Variants in NAT10 observed in about 807,000 individuals in gnomAD.
The protein encoded by NAT10 is N-acetyltransferase 10.
A neutral mutation model predicts 132.2 loss-of-function variants in NAT10; 109 were observed. The ratio of observed to expected loss-of-function variants is 0.82; its 90% CI spans 0.71 to 0.97. The LOEUF (loss-of-function observed/expected upper bound fraction) is 0.97. Among genes scored for constraint, NAT10 ranks in the 50% least tolerant of loss-of-function variants. NAT10 has a pLI of 0.00. For synonymous variants in NAT10, 479 were observed against 478.0 expected, an observed-to-expected ratio of 1.00 and a Z score of -0.03; for missense variants, 1,184 against 1,263.4, an observed-to-expected ratio of 0.94 and a Z score of 0.95.
At chr11:34,119,339 G>A (rs992060242) in intron 8 of NAT10, among the ~76,000 whole-genome samples, 2 of 152,230 alleles carry the variant, frequency 1.3e-5, no homozygotes, top group East Asian at 1.9e-4. Context: ...CCCTTGAGAG[G>A]GAAGATAGCT....
At chr11:34,107,194 A>AT (rs1487669545) in intron 1 of NAT10, 1 of 151,966 alleles carries the variant, frequency 6.6e-6, no homozygotes, top group African/African-American at 2.4e-5. Flanking sequence ...TAAGTTTTGT[A>AT]TTTTTAGTAG....
intron 8 of NAT10, among the ~76,000 whole-genome samples, chr11:34,119,201 A>G (rs2132946102): frequency 6.6e-6 from 1 of 152,226 alleles, no homozygotes; most frequent in South Asian, 2.1e-4. Flanking sequence ...GCACTGGTAA[A>G]CTTGGCTTCT....
chr11:34,111,965 G>C, intron 3 of NAT10, 87 bp from the exon 4 acceptor site: 1 of 1,484,938 alleles, frequency 6.7e-7, no homozygotes, highest in African/African-American at 1.4e-5. Flanking sequence ...AGTCTAAGTG[G>C]GTGATCACTG....
chr11:34,143,929 TAAGTTCCC>T (rs971220787), intron 28 of NAT10, among the ~76,000 whole-genome samples: 1 of 152,196 alleles, frequency 6.6e-6, no homozygotes, highest in African/African-American at 2.4e-5. Flanking sequence ...TCTCAGGGGT[TAAGTTCCC>T]AAGAAGCACA....
intron 26 of NAT10, 44 bp from the exon 27 acceptor site, chr11:34,142,231 A>G (rs554015111): frequency 4.2e-5 from 66 of 1,588,218 alleles, no homozygotes; most frequent in African/African-American, 1.9e-4. Flanking sequence ...GTTTGGTTCA[A>G]TCCTTGACTC....
intron 15 of NAT10, among the ~76,000 whole-genome samples, 181 bp downstream of exon 15, chr11:34,132,402 G>A (rs1852122207): frequency 6.6e-6 from 1 of 152,160 alleles, no homozygotes; most frequent in Admixed American, 6.5e-5. Flanking sequence ...ATGCAGTAAC[G>A]GGACAGGGTG....
At chr11:34,127,362 G>T (rs1852014059) in intron 11 of NAT10, 101 bp from the exon 12 acceptor site, 1 of 1,268,780 alleles carries the variant, frequency 7.9e-7, no homozygotes, top group African/African-American at 1.5e-5. Flanking sequence ...AAGGAAACAG[G>T]GAGAGAGAGG....
At chr11:34,127,728 C>T (rs1355420421) in intron 12 of NAT10, 129 bp downstream of exon 12, 7 of 1,167,032 alleles carry the variant, frequency 6.0e-6, no homozygotes, top group African/African-American at 1.6e-5. Context: ...TTTGAGGCTG[C>T]TTCATTCTCT....
chr11:34,113,449 G>A (rs1437015340), intron 4 of NAT10, among the ~76,000 whole-genome samples: 2 of 151,944 alleles, frequency 1.3e-5, no homozygotes, highest in African/African-American at 4.8e-5. Context: ...AACAGGTATG[G>A]TCTTGGCTTT....
At chr11:34,134,681 A>G (rs1852176921) in intron 18 of NAT10, 95 bp downstream of exon 18, 2 of 1,059,478 alleles carry the variant, frequency 1.9e-6, no homozygotes. Flanking sequence ...GTCAAGCAGA[A>G]GCAAGTGAAG....
chr11:34,110,559 C>CTTTTTTTTTTTTTTTTT (rs948109196), intron 3 of NAT10, among the ~76,000 whole-genome samples: 4 of 101,742 alleles, frequency 3.9e-5, no homozygotes, highest in East Asian at 2.6e-4. Flanking sequence ...TTTTCTTTCC[C>CTTTTTTTTTTTTTTTTT]TTTTTTTTTT....
chr11:34,143,587 C>T (rs1046548220), intron 28 of NAT10, 59 bp downstream of exon 28: 1 of 1,486,470 alleles, frequency 6.7e-7, no homozygotes, highest in Non-Finnish European at 9.2e-7. Flanking sequence ...CTCTCTGCTT[C>T]TCTTTAACTT....
Position 34,118,376 on chromosome 11 carries a change from C to T in NAT10, c.673-20C>T, listed in dbSNP as rs201667369. ...CTCCTGTGACAGTGACAGACCTTCC[C>T]CTTCTCCTCTCTCTGGTAGGATGAG... On this transcript the variant is annotated intron_variant, in intron 7 of 28. Coordinates refer to ENST00000257829, the MANE Select transcript of NAT10 (RefSeq NM_024662.3). The T allele has an allele frequency of 3.1e-6, 5 of 1,612,608 alleles. No homozygotes were observed. The East Asian group carries it at 8.9e-5, about 29-fold the overall frequency.
chr11:34,113,545 G>A (rs1201532784), intron 4 of NAT10, among the ~76,000 whole-genome samples, 171 bp from the exon 5 acceptor site: 1 of 144,832 alleles, frequency 6.9e-6, no homozygotes, highest in Non-Finnish European at 1.5e-5. Context: ...GCTCATGCCT[G>A]TAATCCCAGC....
chr11:34,137,133 C>G, intron 21 of NAT10, 107 bp downstream of exon 21: 1 of 1,258,656 alleles, frequency 7.9e-7, no homozygotes. Flanking sequence ...TCGCTCTGAG[C>G]AGGTGGCTGT....
chr11:34,141,352 C>T (rs1359367873), intron 25 of NAT10, 144 bp downstream of exon 25: 2 of 1,208,674 alleles, frequency 1.7e-6, no homozygotes, highest in African/African-American at 3.1e-5. Context: ...CACACAAATC[C>T]AGGACTTCAG....
At chr11:34,108,373 TG>T in intron 2 of NAT10, 40 bp downstream of exon 2, 2 of 1,509,548 alleles carry the variant, frequency 1.3e-6, no homozygotes, top group Non-Finnish European at 1.8e-6. Flanking sequence ...CTTTTTATCT[TG>T]TCCAAAGAAT....
intron 11 of NAT10, among the ~76,000 whole-genome samples, chr11:34,126,211 A>G (rs1851990882): frequency 6.6e-6 from 1 of 152,204 alleles, no homozygotes; most frequent in Admixed American, 6.5e-5. Flanking sequence ...TAAAGAACTA[A>G]AACATCACAA....
chr11:34,136,812 G>A (rs1310028723), intron 20 of NAT10, 37 bp downstream of exon 20: 1 of 1,613,928 alleles, frequency 6.2e-7, no homozygotes, highest in Admixed American at 1.7e-5. Context: ...ATCACTCCTT[G>A]GCATTGAGAA....
Sources: allele counts gnomAD v4.1 joint callset (sites outside exome capture counted in the v4.1 genomes callset), GRCh38; gene constraint gnomAD v4.1.1; transcripts MANE v1.5; gene names NCBI Gene and HGNC (gene_info 2026-07-23, HGNC 2026-07-21).